Variants in NDC80 observed in about 807,000 individuals in gnomAD.
The protein encoded by NDC80 is NDC80 kinetochore complex component.
In NDC80, 69 loss-of-function variants were observed where a neutral mutation model predicts 89.3. That is an observed-to-expected ratio of 0.77 (90% CI 0.64 to 0.94). The LOEUF (loss-of-function observed/expected upper bound fraction) is 0.94, where lower values mean the gene tolerates loss of function less well. NDC80 is among the 40% of genes least tolerant of loss of function. The pLI is 0.00. For missense variants in NDC80, 593 were observed against 739.6 expected (o/e 0.80, Z 2.30); for synonymous variants, 243 against 255.6 (o/e 0.95, Z 0.47).
At chr18:2,581,595 G>T (rs61206372) in intron 6 of NDC80, among the ~76,000 whole-genome samples, 54 of 152,342 alleles carry the variant, frequency 3.5e-4, no homozygotes, top group African/African-American at 1.2e-3. Flanking sequence ...GGAGGTGGAG[G>T]TTGCAGTGAG....
At chr18:2,588,569 G>T (rs1274188214) in intron 8 of NDC80, among the ~76,000 whole-genome samples, 1 of 152,124 alleles carries the variant, frequency 6.6e-6, no homozygotes, top group Non-Finnish European at 1.5e-5. Context: ...ATAAATGGAG[G>T]TGAAGCTATT....
rs79530870 is a variant in NDC80, at chr18:2,598,556, A to G, written c.1222-463A>G. Among the ~76,000 whole-genome samples the G allele has an allele frequency of 0.011, 1,709 of 152,356 alleles. 74 individuals carry two copies. In the East Asian group the frequency reaches 0.14, roughly 12 times the overall value. On this transcript the variant is annotated intron_variant, in intron 11 of 16. Transcript: ENST00000261597. ...AAGGAGAGCAGGAAATGTGAAATAT[A>G]TTACTAAAATATTTTTATCAATACA... is the stretch of plus-strand genomic sequence containing the variant.
Position 2,572,961 on chromosome 18 carries a change from G to C in NDC80, c.-9-16G>C. The C allele has an allele frequency of 6.3e-7, 1 of 1,598,200 alleles. No homozygotes were observed. The highest frequency in any genetic ancestry group is 1.1e-5 in the South Asian group (1 of 89,200). On this transcript the variant is annotated splice_polypyrimidine_tract_variant and intron_variant, in intron 1 of 16. Coordinates refer to ENST00000261597, the MANE Select transcript of NDC80 (RefSeq NM_006101.3). ...GTCTGGAAAGTTTTTTTTAAATACT[G>C]AATTCGTGAATGTAGGTCATAAGCA...
chr18:2,584,100 CA>C (rs2072591769), intron 6 of NDC80, among the ~76,000 whole-genome samples: 1 of 151,758 alleles, frequency 6.6e-6, no homozygotes, highest in African/African-American at 2.4e-5. Flanking sequence ...CCAGCCTGGC[CA>C]ACATGGTGAA....
intron 6 of NDC80, among the ~76,000 whole-genome samples, chr18:2,581,533 C>T (rs2072578093): frequency 6.6e-6 from 1 of 152,154 alleles, no homozygotes; most frequent in Non-Finnish European, 1.5e-5. Flanking sequence ...TGTGATGGTG[C>T]ATGCCGTCCC....
At chr18:2,611,703 G>A (rs1220568148) in intron 16 of NDC80, among the ~76,000 whole-genome samples, 1 of 152,044 alleles carries the variant, frequency 6.6e-6, no homozygotes, top group African/African-American at 2.4e-5. Context: ...ATAAATTGCT[G>A]AACTATAAAA....
intron 12 of NDC80, among the ~76,000 whole-genome samples, chr18:2,599,439 A>G (rs2072673309): frequency 1.3e-5 from 2 of 152,182 alleles, no homozygotes; most frequent in Non-Finnish European, 2.9e-5. Flanking sequence ...GAAAGACATA[A>G]ATAAATGCTA....
At chr18:2,593,049 TG>T (rs2072635603) in intron 10 of NDC80, among the ~76,000 whole-genome samples, 3 of 120,836 alleles carry the variant, frequency 2.5e-5, no homozygotes, top group South Asian at 2.5e-4. Flanking sequence ...TGTGTGTGTG[TG>T]TGTGTCTTTT....
intron 10 of NDC80, chr18:2,594,875 A>C (rs1056362418): frequency 6.6e-6 from 1 of 152,220 alleles, no homozygotes; most frequent in Non-Finnish European, 1.5e-5. Flanking sequence ...GATATTACAA[A>C]AGTTCCATTT....
At chr18:2,610,370 A>G (rs986258690) in intron 15 of NDC80, among the ~76,000 whole-genome samples, 3 of 152,290 alleles carry the variant, frequency 2.0e-5, no homozygotes, top group East Asian at 3.9e-4. Flanking sequence ...GTTGAGGTTT[A>G]TTTGGCCTGC....
At chr18:2,608,902 C>A in intron 15 of NDC80, 72 bp downstream of exon 15, 10 of 1,489,572 alleles carry the variant, frequency 6.7e-6, no homozygotes, top group Non-Finnish European at 9.1e-6. Context: ...AAAATTAGAT[C>A]TATTTTTATT....
intron 6 of NDC80, among the ~76,000 whole-genome samples, chr18:2,584,375 A>C (rs1430211176): frequency 1.3e-5 from 2 of 151,188 alleles, no homozygotes; most frequent in Non-Finnish European, 2.9e-5. Flanking sequence ...TATCTAGTAT[A>C]TCTGTGTTTA....
At chr18:2,611,967 A>G (rs971804429) in intron 16 of NDC80, among the ~76,000 whole-genome samples, 1 of 151,822 alleles carries the variant, frequency 6.6e-6, no homozygotes, top group African/African-American at 2.4e-5. Context: ...CCACTTTCTA[A>G]TTCAAGCACT....
chr18:2,589,114 G>A lies in NDC80; in HGVS notation c.764-90G>A, dbSNP rs542617183. 24 of 810,406 alleles carry A rather than the reference G, an allele frequency of 3.0e-5. No individual in the cohort carries two copies. The South Asian group carries it at 3.2e-4, about 11-fold the overall frequency. 50.2% of individuals were successfully genotyped at this position (810,406 alleles called of 1,614,324 possible). A position where few individuals can be genotyped will look rare whatever the true frequency, so the allele number is the denominator to read the frequency against. ...TAGTGTTTTGGGCAGAGACCAGAAG[G>A]AAGTGAGGGAGGGAGTAATGGTGAA... is the stretch of plus-strand genomic sequence containing the variant. On this transcript the variant is annotated intron_variant, in intron 8 of 16. Coordinates refer to ENST00000261597, the MANE Select transcript of NDC80 (RefSeq NM_006101.3).
chr18:2,587,891 A>T lies in NDC80; in HGVS notation c.731A>T (p.Asp244Val). 1 of 1,613,782 alleles carries T rather than the reference A, an allele frequency of 6.2e-7. No homozygotes were observed. The highest frequency in any genetic ancestry group is 8.5e-7 in the Non-Finnish European group (1 of 1,179,740). The stretch of plus-strand genomic sequence containing the variant: ...TTTATGAGTGGTGCCGACAGCTTTG[A>T]TGAGATGAATGCAGAGCTGCAGTCA... ...ESFMSGADSF[D>V]EMNAELQSKL... The change falls in exon 8 of 17, where the codon GAT (aspartate) becomes GTT (valine). Residue 244 changes from aspartate to valine, a missense_variant. By Grantham distance (152) the Asp-to-Val change is radical. Transcript: ENST00000261597.
At chr18:2,576,465 C>T (rs749280243) in intron 3 of NDC80, among the ~76,000 whole-genome samples, 45 of 152,330 alleles carry the variant, frequency 3.0e-4, no homozygotes, top group Non-Finnish European at 4.9e-4. Flanking sequence ...TATCATACAT[C>T]ATGTTACCAG....
intron 9 of NDC80, 33 bp from the exon 10 acceptor site, chr18:2,589,985 G>A: frequency 1.4e-6 from 2 of 1,388,562 alleles, no homozygotes; most frequent in Non-Finnish European, 1.9e-6. Context: ...TGGTTATTAA[G>A]AATAACTAAA....
intron 12 of NDC80, among the ~76,000 whole-genome samples, chr18:2,600,892 C>T (rs1218875322): frequency 6.6e-6 from 1 of 152,044 alleles, no homozygotes; most frequent in Non-Finnish European, 1.5e-5. Flanking sequence ...TCAGTTTAAC[C>T]ATTTTAAAGT....
At chr18:2,580,792 A>G (rs2072573813) in intron 6 of NDC80, among the ~76,000 whole-genome samples, 1 of 113,784 alleles carries the variant, frequency 8.8e-6, no homozygotes, top group Non-Finnish European at 1.6e-5. Flanking sequence ...CCTGGGCTGG[A>G]GTGCAGTGGC....
Sources: allele counts gnomAD v4.1 joint callset (sites outside exome capture counted in the v4.1 genomes callset), GRCh38; gene constraint gnomAD v4.1.1; transcripts MANE v1.5; gene names NCBI Gene and HGNC (gene_info 2026-07-23, HGNC 2026-07-21).